The following MED29 variants were observed in gnomAD, a reference collection of about 807,000 sequenced individuals.
MED29 encodes the protein mediator of RNA polymerase II transcription subunit 29.
In MED29, 14 loss-of-function variants were observed where a neutral mutation model predicts 22.0. The ratio of observed to expected loss-of-function variants is 0.64; its 90% CI spans 0.42 to 0.99. MED29 has a LOEUF of 0.99. MED29 is among the 50% of genes least tolerant of loss of function. MED29 has a pLI of 0.00. For synonymous variants in MED29, 123 were observed against 107.8 expected (o/e 1.14, Z -0.87); for missense variants, 241 against 253.7 (o/e 0.95, Z 0.34).
At chr19:39,394,556 CTTTTTTTTTT>C (rs775465635) in intron 3 of MED29, among the ~76,000 whole-genome samples, 1 of 69,210 alleles carries the variant, frequency 1.4e-5, no homozygotes, top group South Asian at 7.0e-4. Context: ...TGCACCCGGC[CTTTTTTTTTT>C]TTTTTTTTTT....
chr19:39,392,619 A>AT (rs765891695), intron 2 of MED29, 97 bp downstream of exon 2: 1 of 664,630 alleles, frequency 1.5e-6, no homozygotes, highest in Non-Finnish European at 2.2e-6. Context: ...CACCTTCTAT[A>AT]TTTACTTTTT....
chr19:39,395,953 C>T (rs2078426242), intron 3 of MED29, among the ~76,000 whole-genome samples: 1 of 151,178 alleles, frequency 6.6e-6, no homozygotes, highest in Non-Finnish European at 1.5e-5. Flanking sequence ...GAAACAGGGA[C>T]CTAGGAGAAG....
Position 39,393,575 on chromosome 19 carries a change from C to A in MED29, c.298C>A (p.Gln100Lys). ...TAGAAAGAGCAGTGATGGACCCATA[C>A]AGCGCTTTGACAAGTGCCTGGAAGA... ...NGQKSSDGPI[Q>K]RFDKCLEEFY... The change falls in exon 3 of 4, where the codon CAG becomes AAG. Residue 100 changes from glutamine to lysine, a missense_variant. Coordinates refer to ENST00000315588, the MANE Select transcript of MED29 (RefSeq NM_017592.4). 6.2e-7 allele frequency: 1 copy of A among 1,614,144 alleles called. No individual in the cohort carries two copies. Among genetic ancestry groups the A allele is most frequent in the Non-Finnish European group, 8.5e-7 (1 of 1,179,968 alleles).
Position 39,397,891 on chromosome 19 carries a change from C to A in MED29, c.*192C>A. ...CCTGCGTCCCTGCCCCTTCTTCCTG[C>A]TCCCCCTCCTAGCCTAGGGTAGACT... On this transcript the variant is annotated 3_prime_UTR_variant, in exon 4 of 4. Transcript: ENST00000315588. 1 of 873,490 alleles carries A rather than the reference C, an allele frequency of 1.1e-6. No homozygotes were observed. The highest frequency in any genetic ancestry group is 1.7e-6 in the Non-Finnish European group (1 of 584,784). 54.1% of individuals were successfully genotyped at this position (873,490 alleles called of 1,614,324 possible). A position where few individuals can be genotyped will look rare whatever the true frequency, so the allele number is the denominator to read the frequency against.
rs1476461525 is a variant in MED29, at chr19:39,398,587, G to C, written c.*888G>C. 1 of 152,656 alleles carries C rather than the reference G, an allele frequency of 6.6e-6. No individual in the cohort carries two copies. The highest frequency in any genetic ancestry group is 6.5e-5 in the Admixed American group (1 of 15,292). 9.5% of individuals were successfully genotyped at this position (152,656 alleles called of 1,614,324 possible). On this transcript the variant is annotated 3_prime_UTR_variant, in exon 4 of 4. Coordinates refer to ENST00000315588, the MANE Select transcript of MED29 (RefSeq NM_017592.4). ...GTCCTGGGGAAGAACCCAGGCGCCT[G>C]AGCCCCAGCTCCGGGAAGCAGGCAC...
intron 3 of MED29, among the ~76,000 whole-genome samples, chr19:39,396,059 G>C (rs894709159): frequency 6.6e-6 from 1 of 152,222 alleles, no homozygotes; most frequent in Admixed American, 6.5e-5. Context: ...AGTGGTGTGC[G>C]TGGGTGTGAC....
Position 39,392,920 on chromosome 19 carries a change from G to A in MED29, c.275+398G>A, listed in dbSNP as rs146958255. 7.4e-5 allele frequency: 13 copies of A among 175,382 alleles called. No individual in the cohort carries two copies. The East Asian group carries it at 1.9e-3, about 26-fold the overall frequency. 10.9% of individuals were successfully genotyped at this position (175,382 alleles called of 1,614,324 possible). A position where few individuals can be genotyped will look rare whatever the true frequency, so the allele number is the denominator to read the frequency against. On this transcript the variant is annotated intron_variant, in intron 2 of 3. Coordinates refer to ENST00000315588, the MANE Select transcript of MED29 (RefSeq NM_017592.4). ...ACTTCTCCTATTTTATTTTATTTTT[G>A]TTGTTGTTTTGTAGAGACAGGGTCT...
In MED29 at chr19:39,399,348, C is replaced by T. The variant is rs1171758488; in HGVS notation, c.*1649C>T. On this transcript the variant is annotated 3_prime_UTR_variant, in exon 4 of 4. Transcript: ENST00000315588. ...AGGAGTTCGAGACCAGCCTGGCCAA[C>T]ACGGTGAAACCCCGACTCTACTAAA... is the stretch of plus-strand genomic sequence containing the variant. The T allele has an allele frequency of 6.6e-6, 1 of 152,312 alleles. No individual in the cohort carries two copies. The highest frequency in any genetic ancestry group is 1.5e-5 in the Non-Finnish European group (1 of 68,032). The allele number at this position is 152,312 out of a possible 1,614,324, so 9.4% of individuals were successfully genotyped here. A position where few individuals can be genotyped will look rare whatever the true frequency, so the allele number is the denominator to read the frequency against.
chr19:39,393,370 A>C (rs1311666124), intron 2 of MED29, among the ~76,000 whole-genome samples, 183 bp from the exon 3 acceptor site: 1 of 151,770 alleles, frequency 6.6e-6, no homozygotes, highest in Non-Finnish European at 1.5e-5. Flanking sequence ...TGCTGGGATT[A>C]CAGGCGTGAG....
rs767717390 is a variant in MED29 at position 39,391,618 on chromosome 19, C to T, written c.196C>T (p.Gln66Ter). The T allele has an allele frequency of 1.2e-6, 2 of 1,604,570 alleles. No homozygotes were observed. The highest frequency in any genetic ancestry group is 1.7e-6 in the Non-Finnish European group (2 of 1,174,658). The part of the protein sequence containing the change: ...PVQRYKMLIP[Q>*]LKESLQTLMK... ...GCAGCGTTATAAGATGCTCATCCCG[C>T]AGCTGAAGGAGAGTCTACAGGTGAT... The change falls in exon 1 of 4, where the codon CAG (glutamine) becomes TAG (stop). Residue 66 changes from glutamine to a stop codon, truncating the protein, a stop_gained. Transcript: ENST00000315588. LOFTEE classifies it high-confidence loss of function.
chr19:39,397,613 G>A lies in MED29; in HGVS notation c.517G>A (p.Asp173Asn). 6.2e-7 allele frequency: 1 copy of A among 1,613,738 alleles called. No individual in the cohort carries two copies. The highest frequency in any genetic ancestry group is 1.1e-5 in the South Asian group (1 of 91,076). ...VIKAQISCAKDIHTALLDCAN... is the reference protein window; with the variant it reads ...VIKAQISCAKNIHTALLDCAN... ...CAAAGCCCAGATTTCCTGTGCCAAG[G>A]ACATTCACACCGCCCTGCTGGACTG... The change falls in exon 4 of 4, where the codon GAC becomes AAC. Residue 173 changes from aspartate (D) to asparagine (N), a missense_variant. Transcript: ENST00000315588.
At chr19:39,396,680 C>T (rs189086755) in intron 3 of MED29, among the ~76,000 whole-genome samples, 23 of 150,244 alleles carry the variant, frequency 1.5e-4, no homozygotes, top group Non-Finnish European at 3.1e-4. Context: ...GAGCCAAGAT[C>T]GTGCTACTGC....
intron 2 of MED29, 175 bp downstream of exon 2, chr19:39,392,697 G>A: frequency 1.7e-6 from 1 of 582,896 alleles, no homozygotes; most frequent in South Asian, 2.3e-5. Flanking sequence ...CACGATCTTG[G>A]CTCATTGCAG....
chr19:39,392,354 G>A, intron 1 of MED29, 110 bp from the exon 2 acceptor site: 1 of 962,480 alleles, frequency 1.0e-6, no homozygotes, highest in Non-Finnish European at 1.6e-6. Context: ...GAAGGTGCCA[G>A]TTGAAAAGAA....
At chr19:39,393,659 G>T (rs1371501137) in intron 3 of MED29, 22 bp downstream of exon 3, 2 of 1,600,016 alleles carry the variant, frequency 1.2e-6, no homozygotes. Context: ...TCTGGACACG[G>T]GGTAACAACA....
At position 39,392,362 on chromosome 19, in the gene MED29, G is replaced by T. The variant is rs1335836547; in HGVS notation, c.217-102G>T. 3.7e-6 allele frequency: 4 copies of T among 1,072,768 alleles called. No homozygotes were observed. In the African/African-American group the frequency reaches 6.2e-5, roughly 17 times the overall value. The allele number at this position is 1,072,768 out of a possible 1,614,324, so 66.5% of individuals were successfully genotyped here. ...CAGGAGGGAAGGTGCCAGTTGAAAA[G>T]AAAACCTGAGACTGAGTGATCTCAA... On this transcript the variant is annotated intron_variant, in intron 1 of 3. Coordinates refer to ENST00000315588, the MANE Select transcript of MED29 (RefSeq NM_017592.4).
chr19:39,392,532 GC>G lies in MED29; in HGVS notation c.275+15del, dbSNP rs750040537. 9.3e-6 allele frequency: 15 copies of G among 1,612,606 alleles called. No homozygotes were observed. The African/African-American group carries it at 1.6e-4, about 17-fold the overall frequency. On this transcript the variant is annotated intron_variant, in intron 2 of 3. Coordinates refer to ENST00000315588, the MANE Select transcript of MED29 (RefSeq NM_017592.4). ...ACATCGACAATGGACAGTGAGTGCA[GC>G]CCCCTTTACCAGGATATTCTATTGC...
At chr19:39,395,963 G>A (rs2078426283) in intron 3 of MED29, among the ~76,000 whole-genome samples, 1 of 151,950 alleles carries the variant, frequency 6.6e-6, no homozygotes, top group Non-Finnish European at 1.5e-5. Flanking sequence ...CCTAGGAGAA[G>A]CAGTTTTGGG....
rs187869018 is a variant in MED29 at position 39,391,410 on chromosome 19, C to G, written c.-13C>G. On this transcript the variant is annotated 5_prime_UTR_variant, in exon 1 of 4. Coordinates refer to ENST00000315588, the MANE Select transcript of MED29 (RefSeq NM_017592.4). ...GCAGTCGTAACGCACTTCCGGCGGT[C>G]TACGCGAGGAAGATGGCTGCATCCC... 2.7e-5 allele frequency: 43 copies of G among 1,610,132 alleles called. No homozygotes were observed. The highest frequency in any genetic ancestry group is 3.5e-5 in the Non-Finnish European group (41 of 1,176,876).
Sources: allele counts gnomAD v4.1 joint callset (sites outside exome capture counted in the v4.1 genomes callset), GRCh38; gene constraint gnomAD v4.1.1; transcripts MANE v1.5; gene names NCBI Gene and HGNC (gene_info 2026-07-23, HGNC 2026-07-21).